The following MAN1A1 variants were observed in gnomAD, a reference collection of about 807,000 sequenced individuals.
MAN1A1 encodes mannosidase alpha class 1A member 1.
A neutral mutation model predicts 70.8 loss-of-function variants in MAN1A1; 29 were observed. The observed-to-expected ratio is 0.41, with a 90% confidence interval of 0.31 to 0.56. The LOEUF is 0.56. Ranked by LOEUF, MAN1A1 falls within the 20% of genes least tolerant of loss-of-function variation. The probability of loss-of-function intolerance (pLI) is 0.29; values close to 1 mark genes in which losing one functional copy is unlikely to be tolerated. For synonymous variants in MAN1A1, 349 were observed against 330.1 expected (o/e 1.06, Z -0.62); for missense variants, 747 against 841.3 (o/e 0.89, Z 1.39).
At chr6:119,306,709 G>A (rs1264226342) in intron 3 of MAN1A1, among the ~76,000 whole-genome samples, 187 bp downstream of exon 3, 2 of 152,086 alleles carry the variant, frequency 1.3e-5, no homozygotes, top group African/African-American at 2.4e-5. Flanking sequence ...CAGGTTATTC[G>A]AACACATAGC....
intron 4 of MAN1A1, among the ~76,000 whole-genome samples, chr6:119,300,754 C>G (rs1772369891): frequency 6.6e-6 from 1 of 152,090 alleles, no homozygotes. Context: ...ACATTGATCC[C>G]CAAGGTCCCT....
rs148993077 is a variant in MAN1A1 at position 119,332,909 on chromosome 6, C to A, written c.603+15554G>T. Among the ~76,000 whole-genome samples, 241 of 152,124 alleles carry A rather than the reference C, an allele frequency of 1.6e-3. 2 individuals carry two copies. Among genetic ancestry groups the A allele is most frequent in the African/African-American group, 5.2e-3 (216 of 41,486 alleles). On this transcript the variant is annotated intron_variant, in intron 2 of 12. Coordinates refer to ENST00000368468, the MANE Select transcript of MAN1A1 (RefSeq NM_005907.4). ...GTATATACCAGTGGAAGACTCCGGG[C>A]TGCATAACACACAACAGACACTTAT...
intron 2 of MAN1A1, among the ~76,000 whole-genome samples, chr6:119,319,993 G>C (rs74478617): frequency 8.6e-5 from 13 of 151,420 alleles, no homozygotes; most frequent in African/African-American, 2.9e-4. Context: ...TTTTTTTTAA[G>C]AGACGGAGTC....
At chr6:119,196,956 T>C (rs941634035) in intron 8 of MAN1A1, among the ~76,000 whole-genome samples, 5 of 152,200 alleles carry the variant, frequency 3.3e-5, no homozygotes, top group African/African-American at 1.2e-4. Context: ...ATACTGCCTT[T>C]CAGCCACAAC....
intron 2 of MAN1A1, among the ~76,000 whole-genome samples, chr6:119,312,286 T>G (rs917036635): frequency 5.3e-5 from 8 of 152,184 alleles, no homozygotes; most frequent in African/African-American, 1.9e-4. Context: ...GCAATTTCCA[T>G]CAAACTTTGC....
At chr6:119,272,764 A>C (rs1234034287) in intron 5 of MAN1A1, among the ~76,000 whole-genome samples, 1 of 152,162 alleles carries the variant, frequency 6.6e-6, no homozygotes, top group Non-Finnish European at 1.5e-5. Flanking sequence ...TCAACGGAGA[A>C]ATCTTGTTAC....
intron 6 of MAN1A1, among the ~76,000 whole-genome samples, chr6:119,232,926 A>G (rs573645350): frequency 2.3e-3 from 347 of 152,252 alleles, no homozygotes; most frequent in Non-Finnish European, 4.1e-3. Flanking sequence ...TCTTTAGAAA[A>G]ACTTGAAAAG....
At chr6:119,287,468 C>T (rs1219096525) in intron 5 of MAN1A1, among the ~76,000 whole-genome samples, 1 of 151,930 alleles carries the variant, frequency 6.6e-6, no homozygotes, top group African/African-American at 2.4e-5. Flanking sequence ...ATCATCTTTG[C>T]TTTACTCTTA....
At chr6:119,280,362 A>T (rs1776197644) in intron 5 of MAN1A1, among the ~76,000 whole-genome samples, 1 of 152,226 alleles carries the variant, frequency 6.6e-6, no homozygotes, top group Admixed American at 6.5e-5. Flanking sequence ...CCTCCATAAA[A>T]TGAGAATAAA....
chr6:119,249,263 C>T (rs1413014385), intron 5 of MAN1A1, among the ~76,000 whole-genome samples: 1 of 152,176 alleles, frequency 6.6e-6, no homozygotes, highest in Non-Finnish European at 1.5e-5. Context: ...ATCCACAGCT[C>T]AGGCCAAAAC....
At chr6:119,287,951 T>C (rs1430778256) in intron 5 of MAN1A1, among the ~76,000 whole-genome samples, 2 of 152,068 alleles carry the variant, frequency 1.3e-5, no homozygotes, top group African/African-American at 4.8e-5. Flanking sequence ...TTGAAAATAC[T>C]GATGCTTGAC....
At position 119,205,749 on chromosome 6, in the gene MAN1A1, A is replaced by G. The variant is rs145400020; in HGVS notation, c.993-867T>C. Among the ~76,000 whole-genome samples, 828 of 152,338 alleles carry G rather than the reference A, an allele frequency of 5.4e-3. 11 individuals carry two copies. Among genetic ancestry groups the G allele is most frequent in the South Asian group, 0.022 (108 of 4,832 alleles). On this transcript the variant is annotated intron_variant, in intron 6 of 12. Coordinates refer to ENST00000368468, the MANE Select transcript of MAN1A1 (RefSeq NM_005907.4). ...GTAATTCAAAAGAATAAAGTTCGTT[A>G]TTCTCCTAATAAATTCCCTTTCTGA...
intron 5 of MAN1A1, among the ~76,000 whole-genome samples, chr6:119,288,211 A>C (rs1776430926): frequency 6.6e-6 from 1 of 151,926 alleles, no homozygotes. Flanking sequence ...AGCTGATATC[A>C]ATGTGGGGTC....
chr6:119,261,128 G>A (rs1775600704), intron 5 of MAN1A1, among the ~76,000 whole-genome samples: 1 of 151,772 alleles, frequency 6.6e-6, no homozygotes, highest in South Asian at 2.1e-4. Flanking sequence ...ACAGGCGCCT[G>A]CCACCATGCC....
At chr6:119,222,589 A>G (rs1233226335) in intron 6 of MAN1A1, among the ~76,000 whole-genome samples, 3 of 152,022 alleles carry the variant, frequency 2.0e-5, no homozygotes, top group Admixed American at 6.6e-5. Context: ...AGCCTCCCAA[A>G]GTGCTGGGAT....
Position 119,189,670 on chromosome 6 carries a change from G to C in MAN1A1, c.1540C>G (p.Arg514Gly). 6.2e-7 allele frequency: 1 copy of C among 1,613,772 alleles called. No homozygotes were observed. Residue 514 changes from arginine (R) to glycine (G), a missense_variant, in exon 10 of 13, where the codon CGA (arginine) becomes GGA (glycine). This residue lies in a region of MAN1A1 where 419 missense variants were observed against 548.2 expected (regional missense o/e 0.76). Transcript: ENST00000368468. ...IARTCHESYNRTFMKLGPEAF... is the reference protein window; with the variant it reads ...IARTCHESYNGTFMKLGPEAF... ...AAGAATAACATGTACTCACATGTTC[G>C]ATTATATGATTCATGACAAGTACGG...
At chr6:119,188,898 A>C (rs935931976) in intron 10 of MAN1A1, among the ~76,000 whole-genome samples, 4 of 152,208 alleles carry the variant, frequency 2.6e-5, no homozygotes, top group Non-Finnish European at 5.9e-5. Flanking sequence ...AAAACTCTAT[A>C]AATGTTCACT....
chr6:119,188,278 G>C, intron 11 of MAN1A1, 127 bp downstream of exon 11: 2 of 840,512 alleles, frequency 2.4e-6, no homozygotes, highest in Non-Finnish European at 3.7e-6. Flanking sequence ...ACACAGTCCT[G>C]GGTGGAAAAA....
chr6:119,330,744 A>C (rs576970822), intron 2 of MAN1A1, among the ~76,000 whole-genome samples: 67 of 152,144 alleles, frequency 4.4e-4, no homozygotes, highest in African/African-American at 1.4e-3. Flanking sequence ...GGGGACCTTC[A>C]TACATTCCAT....
Sources: gnomAD v4.1 joint callset for allele counts (sites outside exome capture counted in the v4.1 genomes callset) on GRCh38, gnomAD v4.1.1 for gene constraint, gnomAD v4.1.1 regional missense constraint, MANE v1.5 for transcripts, NCBI Gene and HGNC (gene_info 2026-07-23, HGNC 2026-07-21) for gene names.